PABPC4L: variants seen among roughly 807,000 people sequenced by gnomAD.
PABPC4L encodes polyadenylate-binding protein 4-like.
For synonymous variants in PABPC4L, 169 were observed against 164.1 expected, an observed-to-expected ratio of 1.03 and a Z score of -0.23; for missense variants, 452 against 451.4, an observed-to-expected ratio of 1.00 and a Z score of -0.01.
the PABPC4L span, among the ~76,000 whole-genome samples, chr4:134,139,160 T>G: frequency 6.6e-6 from 1 of 152,106 alleles, no homozygotes; most frequent in East Asian, 1.9e-4. Flanking sequence ...GTCCAATATT[T>G]AGTTAGCTTT....
the PABPC4L span, among the ~76,000 whole-genome samples, chr4:134,016,393 A>C: frequency 6.6e-6 from 1 of 152,144 alleles, no homozygotes; most frequent in Admixed American, 6.5e-5. Context: ...ATGCTTCTCA[A>C]AGCTGCTTTA....
chr4:134,012,708 C>A, the PABPC4L span, among the ~76,000 whole-genome samples: 8 of 152,186 alleles, frequency 5.3e-5, no homozygotes, highest in African/African-American at 1.9e-4. Flanking sequence ...GAAAGATCCA[C>A]TTACAACCTC....
the PABPC4L span, among the ~76,000 whole-genome samples, chr4:134,111,618 A>G: frequency 6.6e-6 from 1 of 151,912 alleles, no homozygotes; most frequent in Non-Finnish European, 1.5e-5. Context: ...TGTGGAAGGG[A>G]TCCAGGGGGA....
the PABPC4L span, among the ~76,000 whole-genome samples, chr4:134,188,731 A>G: frequency 6.6e-6 from 1 of 151,886 alleles, no homozygotes; most frequent in East Asian, 1.9e-4. Context: ...TCAAAACTTT[A>G]TATTTGTCTT....
chr4:134,122,987 T>G, the PABPC4L span, among the ~76,000 whole-genome samples: 1 of 152,034 alleles, frequency 6.6e-6, no homozygotes, highest in African/African-American at 2.4e-5. Context: ...TCTCATCATT[T>G]ACAGTAGTTA....
chr4:134,173,566 T>C, the PABPC4L span, among the ~76,000 whole-genome samples: 1 of 152,016 alleles, frequency 6.6e-6, no homozygotes, highest in Non-Finnish European at 1.5e-5. Flanking sequence ...GAATGGTAGT[T>C]GGCAGGGAGG....
chr4:134,068,999 T>G, the PABPC4L span, among the ~76,000 whole-genome samples: 1 of 152,134 alleles, frequency 6.6e-6, no homozygotes, highest in East Asian at 1.9e-4. Context: ...TGTGAGCCAC[T>G]GCACCCAGCC....
the PABPC4L span, among the ~76,000 whole-genome samples, chr4:133,982,117 C>G: frequency 1.3e-5 from 2 of 151,968 alleles, no homozygotes; most frequent in African/African-American, 4.8e-5. Flanking sequence ...ATATAAACGT[C>G]TATTCCTGAA....
chr4:134,096,534 A>G, the PABPC4L span, among the ~76,000 whole-genome samples: 1 of 151,906 alleles, frequency 6.6e-6, no homozygotes, highest in African/African-American at 2.4e-5. Context: ...CAGATAATAA[A>G]CTTCATTCTG....
At chr4:133,990,378 C>G in the PABPC4L span, among the ~76,000 whole-genome samples, 19 of 152,058 alleles carry the variant, frequency 1.2e-4, no homozygotes, top group Non-Finnish European at 2.6e-4. Context: ...TTTTGAGGTA[C>G]AATAAATGAT....
the PABPC4L span, among the ~76,000 whole-genome samples, chr4:133,991,580 G>T: frequency 1.3e-5 from 2 of 152,164 alleles, no homozygotes; most frequent in African/African-American, 4.8e-5. Flanking sequence ...TACAAAGGTA[G>T]CTGTTTGTGC....
the PABPC4L span, among the ~76,000 whole-genome samples, chr4:134,004,118 A>G: frequency 2.0e-5 from 3 of 151,956 alleles, no homozygotes; most frequent in South Asian, 2.1e-4. Context: ...AGGCACAGGC[A>G]ACAAAAGCAA....
At chr4:133,969,831 A>G in the PABPC4L span, among the ~76,000 whole-genome samples, 1 of 152,048 alleles carries the variant, frequency 6.6e-6, no homozygotes, top group Admixed American at 6.6e-5. Context: ...TATCTTGACT[A>G]TCATACTTCA....
At chr4:134,166,534 T>A in the PABPC4L span, among the ~76,000 whole-genome samples, 287 of 152,142 alleles carry the variant, frequency 1.9e-3, 1 homozygote, top group African/African-American at 6.5e-3. Flanking sequence ...TTGGGCACCA[T>A]CCTCTTGGGC....
the PABPC4L span, among the ~76,000 whole-genome samples, chr4:134,094,174 G>A: frequency 6.6e-6 from 1 of 151,870 alleles, no homozygotes; most frequent in Non-Finnish European, 1.5e-5. Context: ...GTGTTACGAA[G>A]CTTGATGAAA....
the PABPC4L span, among the ~76,000 whole-genome samples, chr4:134,135,960 T>C: frequency 2.0e-5 from 3 of 152,120 alleles, no homozygotes; most frequent in African/African-American, 7.2e-5. Context: ...TAAGCATAAC[T>C]CCTCAATTAT....
chr4:134,115,350 T>G, the PABPC4L span, among the ~76,000 whole-genome samples: 4 of 151,770 alleles, frequency 2.6e-5, no homozygotes, highest in Admixed American at 2.6e-4. Flanking sequence ...AGTGATGACT[T>G]GCCTGAGTGT....
chr4:134,019,173 G>T, the PABPC4L span, among the ~76,000 whole-genome samples: 1 of 152,114 alleles, frequency 6.6e-6, no homozygotes, highest in Non-Finnish European at 1.5e-5. Flanking sequence ...AAGAATGAGA[G>T]AAGGAATCTG....
chr4:133,954,191 C>A, the PABPC4L span, among the ~76,000 whole-genome samples: 1 of 152,158 alleles, frequency 6.6e-6, no homozygotes, highest in South Asian at 2.1e-4. Flanking sequence ...TTCCTTTTGC[C>A]CCCTGATCTT....
Sources: gnomAD v4.1 joint callset for allele counts (sites outside exome capture counted in the v4.1 genomes callset) on GRCh38, gnomAD v4.1.1 for gene constraint, MANE v1.5 for transcripts, NCBI Gene and HGNC (gene_info 2026-07-23, HGNC 2026-07-21) for gene names.